KATNAL2: variants seen among roughly 807,000 people sequenced by gnomAD.
The protein encoded by KATNAL2 is katanin catalytic subunit A1 like 2.
KATNAL2 carries 52 observed loss-of-function variants against 76.3 expected under a neutral mutation model. The ratio of observed to expected loss-of-function variants is 0.68; its 90% CI spans 0.55 to 0.86. The LOEUF is 0.86. Ranked by LOEUF, KATNAL2 falls within the 40% of genes least tolerant of loss-of-function variation. The pLI, the probability that KATNAL2 is intolerant of heterozygous loss-of-function variation, is 0.00. For synonymous variants in KATNAL2, 243 were observed against 244.2 expected (o/e 1.00, Z 0.05); for missense variants, 660 against 668.9 (o/e 0.99, Z 0.15).
chr18:46,946,664 C>T (rs2059388284), intron 2 of KATNAL2, 118 bp downstream of exon 2: 3 of 1,092,662 alleles, frequency 2.7e-6, no homozygotes, highest in Non-Finnish European at 3.8e-6. Flanking sequence ...TGGCCAGTGT[C>T]ATGCAAACAC....
intron 3 of KATNAL2, among the ~76,000 whole-genome samples, chr18:47,042,306 C>A (rs1416312619): frequency 6.6e-6 from 1 of 152,190 alleles, no homozygotes; most frequent in East Asian, 1.9e-4. Flanking sequence ...ATCGATCAAA[C>A]AAGTAGTACT....
chr18:46,952,766 G>C (rs2059603401), intron 3 of KATNAL2, among the ~76,000 whole-genome samples: 1 of 151,716 alleles, frequency 6.6e-6, no homozygotes. Context: ...AAGATGTCAT[G>C]CTTTCTTTCG....
intron 1 of KATNAL2, among the ~76,000 whole-genome samples, chr18:46,940,647 C>T (rs192277084): frequency 1.3e-5 from 2 of 152,204 alleles, no homozygotes; most frequent in African/African-American, 4.8e-5. Context: ...GACAGTTTGA[C>T]ATGAATGAGG....
chr18:46,947,024 G>A, intron 3 of KATNAL2, 101 bp downstream of exon 3: 1 of 866,800 alleles, frequency 1.2e-6, no homozygotes, highest in Non-Finnish European at 1.9e-6. Flanking sequence ...GACAGAGTCC[G>A]CTACTAGAGA....
chr18:46,938,763 T>G (rs1487443281), intron 1 of KATNAL2, among the ~76,000 whole-genome samples: 2 of 152,160 alleles, frequency 1.3e-5, no homozygotes, highest in Non-Finnish European at 2.9e-5. Context: ...TCAAATGCCT[T>G]ATCACATTCC....
chr18:47,082,423 T>G (rs1362564284), intron 15 of KATNAL2, among the ~76,000 whole-genome samples: 1 of 152,168 alleles, frequency 6.6e-6, no homozygotes, highest in Non-Finnish European at 1.5e-5. Flanking sequence ...ATCTAAGGAT[T>G]TGATAAACAT....
At chr18:47,045,366 C>T (rs1054120019) in intron 3 of KATNAL2, among the ~76,000 whole-genome samples, 3 of 148,590 alleles carry the variant, frequency 2.0e-5, no homozygotes, top group African/African-American at 7.4e-5. Context: ...TACTCTGTCA[C>T]CCAGCTTGGA....
Position 47,067,092 on chromosome 18 carries a change from CA to C in KATNAL2, c.801del (p.Glu268LysfsTer7). Reference sequence around the variant, plus strand: ...GACTTGATGCAGCCAAGCAGTTAGTCAAAGAAGCTGTTGTGTATCCTATAAG... The same window carrying C: ...GACTTGATGCAGCCAAGCAGTTAGTCAAGAAGCTGTTGTGTATCCTATAAG... ...IGLDAAKQLV[K>X]EAVVYPIRYP... On this transcript the variant is annotated frameshift_variant, in exon 11 of 18. Coordinates refer to ENST00000683218, the MANE Select transcript of KATNAL2 (RefSeq NM_001387690.1). LOFTEE classifies it high-confidence loss of function. The C allele has an allele frequency of 1.3e-6, 2 of 1,580,076 alleles. No homozygotes were observed. Among genetic ancestry groups the C allele is most frequent in the Non-Finnish European group, 1.7e-6 (2 of 1,156,918 alleles).
chr18:47,046,587 C>A lies in KATNAL2; in HGVS notation c.122+60C>A. 14 of 1,126,352 alleles carry A rather than the reference C, an allele frequency of 1.2e-5. No homozygotes were observed. In the South Asian group the frequency reaches 1.9e-4, roughly 15 times the overall value. 69.8% of individuals were successfully genotyped at this position (1,126,352 alleles called of 1,614,324 possible). ...CCTCTTTCTCTGCTCTCTACTTTTC[C>A]AGATGCGTACTTTTAAATACAATAG... On this transcript the variant is annotated intron_variant, in intron 4 of 17. Transcript: ENST00000683218.
At chr18:46,935,368 G>A (rs1038496789) in intron 1 of KATNAL2, among the ~76,000 whole-genome samples, 2 of 152,158 alleles carry the variant, frequency 1.3e-5, no homozygotes, top group African/African-American at 4.8e-5. Context: ...CTGCAGCCTT[G>A]TTTTCCTGAG....
chr18:47,061,592 C>T (rs927471826), intron 8 of KATNAL2, among the ~76,000 whole-genome samples: 1 of 152,180 alleles, frequency 6.6e-6, no homozygotes, highest in African/African-American at 2.4e-5. Context: ...AGCTTTAGGA[C>T]ACCCTCCCTG....
intron 5 of KATNAL2, 124 bp downstream of exon 5, chr18:47,053,170 G>GT (rs1377372133): frequency 1.3e-6 from 1 of 758,172 alleles, no homozygotes; most frequent in African/African-American, 1.8e-5. Flanking sequence ...CAGGAGGATT[G>GT]TGTAGCCATT....
chr18:47,048,789 C>T (rs1159738526), intron 4 of KATNAL2, among the ~76,000 whole-genome samples: 1 of 148,288 alleles, frequency 6.7e-6, no homozygotes, highest in Non-Finnish European at 1.5e-5. Flanking sequence ...GTCATAGGGA[C>T]GGCTTCCAGG....
At chr18:47,067,733 GT>G (rs2061857619) in intron 11 of KATNAL2, among the ~76,000 whole-genome samples, 1 of 152,210 alleles carries the variant, frequency 6.6e-6, no homozygotes, top group South Asian at 2.1e-4. Context: ...CTTAGCTTTT[GT>G]TGTATAACAG....
chr18:47,054,633 T>C, intron 6 of KATNAL2, 195 bp downstream of exon 6: 4 of 642,440 alleles, frequency 6.2e-6, no homozygotes, highest in Non-Finnish European at 1.1e-5. Context: ...ACTCTCCTGG[T>C]TTTACTGTAA....
chr18:47,041,409 A>G (rs1252356362), intron 3 of KATNAL2, among the ~76,000 whole-genome samples: 2 of 152,056 alleles, frequency 1.3e-5, no homozygotes, highest in Non-Finnish European at 2.9e-5. Context: ...TACTGTCTCT[A>G]TAGTTTTGCC....
chr18:46,957,990 C>A (rs890589613), intron 3 of KATNAL2, among the ~76,000 whole-genome samples: 1 of 152,168 alleles, frequency 6.6e-6, no homozygotes. Flanking sequence ...GCCACCGCAC[C>A]TGGCCAGATT....
Position 47,046,522 on chromosome 18 carries a change from A to G in KATNAL2, c.117A>G (p.Gln39=). The G allele has an allele frequency of 6.5e-7, 1 of 1,532,736 alleles. No individual in the cohort carries two copies. Among genetic ancestry groups the G allele is most frequent in the African/African-American group, 1.4e-5 (1 of 73,102 alleles). 94.9% of individuals were successfully genotyped at this position (1,532,736 alleles called of 1,614,324 possible). ...TTTTGATTTCGCATTATTTAACACA[A>G]GAAGGGTATGTTACAGTACAAACAT... ...LLILISHYLT[Q]EGYIDTANAL... is the part of the protein sequence containing the mutation. The change falls in exon 4 of 18, where the codon CAA becomes CAG. Residue 39 remains glutamine, a synonymous_variant. Transcript: ENST00000683218.
chr18:47,087,198 T>C (rs1377457187), intron 15 of KATNAL2, among the ~76,000 whole-genome samples: 1 of 152,192 alleles, frequency 6.6e-6, no homozygotes, highest in East Asian at 1.9e-4. Context: ...TTTTGGTTAT[T>C]TTAAAGTAAT....
Sources: gnomAD v4.1 joint callset for allele counts (sites outside exome capture counted in the v4.1 genomes callset) on GRCh38, gnomAD v4.1.1 for gene constraint, MANE v1.5 for transcripts, NCBI Gene and HGNC (gene_info 2026-07-23, HGNC 2026-07-21) for gene names.